Variants in TOP1 observed in about 807,000 individuals in gnomAD.
TOP1 encodes DNA topoisomerase I, also known as DNA topoisomerase 1.
In TOP1, 10 loss-of-function variants were observed where a neutral mutation model predicts 111.1. The ratio of observed to expected loss-of-function variants is 0.09; its 90% confidence interval spans 0.06 to 0.15. TOP1 has a LOEUF of 0.15. Ranked by LOEUF, TOP1 falls within the 10% of genes least tolerant of loss-of-function variation. The pLI, the probability that TOP1 is intolerant of heterozygous loss-of-function variation, is 1.00. For synonymous variants in TOP1, 271 were observed against 302.9 expected (o/e 0.89, Z 1.10); for missense variants, 474 against 926.7 (o/e 0.51, Z 6.34).
chr20:41,040,675 G>T (rs1023745614), intron 2 of TOP1, among the ~76,000 whole-genome samples: 2 of 151,930 alleles, frequency 1.3e-5, no homozygotes, highest in African/African-American at 2.4e-5. Flanking sequence ...GCCTGGTGGC[G>T]CATGCCTGTA....
intron 3 of TOP1, among the ~76,000 whole-genome samples, chr20:41,074,137 C>T (rs1396991238): frequency 1.3e-5 from 2 of 151,500 alleles, no homozygotes; most frequent in African/African-American, 2.4e-5. Flanking sequence ...TAAAGCTTGG[C>T]GAAGTTAATG....
chr20:41,081,353 T>A, intron 7 of TOP1, 113 bp downstream of exon 7: 1 of 1,258,684 alleles, frequency 7.9e-7, no homozygotes, highest in African/African-American at 1.5e-5. Context: ...GTTATAACAT[T>A]AGGGAAAACA....
In TOP1 at chr20:41,061,264, G is replaced by A; in HGVS notation, c.59-130G>A. 1.4e-6 allele frequency: 1 copy of A among 734,368 alleles called. No homozygotes were observed. Among genetic ancestry groups the A allele is most frequent in the Admixed American group, 2.6e-5 (1 of 38,416 alleles). 45.5% of individuals were successfully genotyped at this position (734,368 alleles called of 1,614,324 possible). The stretch of plus-strand genomic sequence containing the variant: ...TTCTTTGTGAAAGCTTTTTTTTTCA[G>A]TGGCATGTGCTATTATGCCTACCAT... On this transcript the variant is annotated intron_variant, in intron 2 of 20. Coordinates refer to ENST00000361337, the MANE Select transcript of TOP1 (RefSeq NM_003286.4). The surrounding 1 kb of genome is among the most constrained non-coding windows in gnomAD (Gnocchi z 4.6).
chr20:41,107,549 C>T (rs1257294518), intron 13 of TOP1, among the ~76,000 whole-genome samples: 15 of 152,068 alleles, frequency 9.9e-5, no homozygotes, highest in African/African-American at 3.6e-4. Flanking sequence ...TTCAAAATTT[C>T]TAATTTTATA....
chr20:41,096,254 G>C (rs1005862634), intron 9 of TOP1, among the ~76,000 whole-genome samples: 7 of 152,190 alleles, frequency 4.6e-5, no homozygotes, highest in Non-Finnish European at 7.3e-5. Flanking sequence ...TTTTAGTAGA[G>C]ATGGGTTTTC....
Position 41,096,092 on chromosome 20 carries a change from A to G in TOP1, c.731-1128A>G, listed in dbSNP as rs977723670. Among the ~76,000 whole-genome samples the G allele has an allele frequency of 2.0e-5, 3 of 152,208 alleles. No homozygotes were observed. The East Asian group carries it at 5.8e-4, about 29-fold the overall frequency. On this transcript the variant is annotated intron_variant, in intron 9 of 20. Coordinates refer to ENST00000361337, the MANE Select transcript of TOP1 (RefSeq NM_003286.4). ...AGACAGCTTTTTGTTTATTTGAGAC[A>G]GTCTCAGTCTGTTGCCCAGGCTGAA...
intron 3 of TOP1, chr20:41,073,374 GAAA>G (rs397692656): frequency 1.9e-5 from 14 of 748,252 alleles, no homozygotes; most frequent in Middle Eastern, 6.8e-4. Flanking sequence ...GGAAGACAAT[GAAA>G]AAAAAAAAAA....
Position 41,101,488 on chromosome 20 carries a change from A to G in TOP1, c.1308+135A>G. On this transcript the variant is annotated intron_variant, in intron 13 of 20. Coordinates refer to ENST00000361337, the MANE Select transcript of TOP1 (RefSeq NM_003286.4). This position sits in a 1 kb window ranked among gnomAD's most constrained non-coding sequence, Gnocchi z 4.1. ...CCATTGAAAGAAGGCAAGTACTTTC[A>G]TAGTTAGCATTATGGTGATCTTCCT... 1.1e-6 allele frequency: 1 copy of G among 952,236 alleles called. No individual in the cohort carries two copies. Among genetic ancestry groups the G allele is most frequent in the South Asian group, 1.9e-5 (1 of 53,802 alleles). 59.0% of individuals were successfully genotyped at this position (952,236 alleles called of 1,614,324 possible).
At chr20:41,072,829 C>T (rs1300265448) in intron 3 of TOP1, 1 of 985,278 alleles carries the variant, frequency 1.0e-6, no homozygotes, top group East Asian at 1.1e-4. Flanking sequence ...TAGAAGCTGT[C>T]CTTAACCCTC....
intron 13 of TOP1, among the ~76,000 whole-genome samples, chr20:41,104,741 G>A (rs950530604): frequency 6.6e-6 from 1 of 152,160 alleles, no homozygotes; most frequent in African/African-American, 2.4e-5. Context: ...CTGGAAAAGT[G>A]GTGCCATTAG....
Position 41,084,568 on chromosome 20 carries a change from G to T in TOP1, c.614G>T (p.Trp205Leu). The part of the protein sequence containing the change: ...PKKEEEQKWK[W>L]WEEERYPEGI... ...AAAGAAGAGGAACAGAAGTGGAAAT[G>T]GTAACATCTCAGCACTGGGTTAAAA... is the stretch of plus-strand genomic sequence containing the variant. Residue 205 changes from tryptophan to leucine, a missense_variant and splice_region_variant, in exon 8 of 21, where the codon TGG becomes TTG. Physicochemically the swap from Trp to Leu is moderately conservative, Grantham distance 61. Around this residue, in one of 14 missense-constraint regions of TOP1, gnomAD observed 11 missense variants for 36.8 expected, o/e 0.30. Coordinates refer to ENST00000361337, the MANE Select transcript of TOP1 (RefSeq NM_003286.4). 1.3e-6 allele frequency: 2 copies of T among 1,551,172 alleles called. No individual in the cohort carries two copies. Among genetic ancestry groups the T allele is most frequent in the Non-Finnish European group, 8.7e-7 (1 of 1,144,374 alleles).
chr20:41,076,404 T>C, intron 4 of TOP1, 110 bp downstream of exon 4: 1 of 1,431,250 alleles, frequency 7.0e-7, no homozygotes, highest in East Asian at 2.4e-5. Flanking sequence ...AAGTGAAAGG[T>C]TTCTTGTCAG....
intron 8 of TOP1, among the ~76,000 whole-genome samples, chr20:41,091,814 T>A (rs1452361757): frequency 6.6e-6 from 1 of 152,160 alleles, no homozygotes; most frequent in African/African-American, 2.4e-5. Context: ...TCTGCCCGCC[T>A]CGGCCTCCCA....
Position 41,034,609 on chromosome 20 carries a change from G to A in TOP1, c.58+5154G>A, listed in dbSNP as rs1025905847. On this transcript the variant is annotated intron_variant, in intron 2 of 20. Coordinates refer to ENST00000361337, the MANE Select transcript of TOP1 (RefSeq NM_003286.4). The surrounding 1 kb of genome is among the most constrained non-coding windows in gnomAD (Gnocchi z 4.0). ...GTGGCGTTATGAGAAATGGCTGATAGTTTGCTGAAATGATTTAATAGTAAA... is the reference window on the plus strand; with the variant it reads ...GTGGCGTTATGAGAAATGGCTGATAATTTGCTGAAATGATTTAATAGTAAA... 6.6e-6 allele frequency among the ~76,000 whole-genome samples: 1 copy of A among 152,268 alleles called. No homozygotes were observed. Among genetic ancestry groups the A allele is most frequent in the East Asian group, 1.9e-4 (1 of 5,184 alleles).
At position 41,123,783 on chromosome 20, in the gene TOP1, G is replaced by A. The variant is rs2034454997; in HGVS notation, c.*486G>A. 5 of 232,378 alleles carry A rather than the reference G, an allele frequency of 2.2e-5. No homozygotes were observed. Among genetic ancestry groups the A allele is most frequent in the Non-Finnish European group, 4.3e-5 (5 of 117,484 alleles). 14.4% of individuals were successfully genotyped at this position (232,378 alleles called of 1,614,324 possible). On this transcript the variant is annotated 3_prime_UTR_variant, in exon 21 of 21. Transcript: ENST00000361337. The surrounding 1 kb of genome is among the most constrained non-coding windows in gnomAD (Gnocchi z 5.8). The stretch of plus-strand genomic sequence containing the variant: ...AATTAAGTAGAACAAAAAACCCAGC[G>A]CACCTGTTAGAGTCGTCACTCTCTA...
At position 41,112,590 on chromosome 20, in the gene TOP1, ATGG is replaced by A. The variant is rs1415117218; in HGVS notation, c.1309-188_1309-186del. The stretch of plus-strand genomic sequence containing the variant: ...TGTTCAAAGTCTTGCTTTGTCACCC[ATGG>A]TGGAGTGCAGTGGCGTGATCTTGGC... On this transcript the variant is annotated intron_variant, in intron 13 of 20. Coordinates refer to ENST00000361337, the MANE Select transcript of TOP1 (RefSeq NM_003286.4). The surrounding 1 kb of genome is among the most constrained non-coding windows in gnomAD (Gnocchi z 5.8). 1.4e-4 allele frequency among the ~76,000 whole-genome samples: 22 copies of A among 152,204 alleles called. No homozygotes were observed. The highest frequency in any genetic ancestry group is 4.8e-4 in the African/African-American group (20 of 41,452).
In TOP1 at chr20:41,097,577, T is replaced by G. The variant is rs1407963058; in HGVS notation, c.852+236T>G. 1.3e-5 allele frequency among the ~76,000 whole-genome samples: 2 copies of G among 152,070 alleles called. No individual in the cohort carries two copies. The highest frequency in any genetic ancestry group is 2.9e-5 in the Non-Finnish European group (2 of 68,018). On this transcript the variant is annotated intron_variant, in intron 10 of 20. Coordinates refer to ENST00000361337, the MANE Select transcript of TOP1 (RefSeq NM_003286.4). The surrounding 1 kb of genome is among the most constrained non-coding windows in gnomAD (Gnocchi z 4.2). ...TCATGTGATGGCAGGTAGGTGGGGG[T>G]TATCAGATTAGGCCAAACAGAAAAC...
intron 2 of TOP1, among the ~76,000 whole-genome samples, chr20:41,044,049 GGC>G (rs1283943325): frequency 1.3e-5 from 2 of 152,208 alleles, no homozygotes; most frequent in Non-Finnish European, 2.9e-5. Context: ...GGCCGAGGCA[GGC>G]GGATCACCTG....
chr20:41,052,157 A>G (rs887702830), intron 2 of TOP1, among the ~76,000 whole-genome samples: 1 of 152,178 alleles, frequency 6.6e-6, no homozygotes, highest in Non-Finnish European at 1.5e-5. Flanking sequence ...TCTAGTAGTT[A>G]AGTGACTTTT....
Sources: allele counts gnomAD v4.1 joint callset (sites outside exome capture counted in the v4.1 genomes callset), GRCh38; gene constraint gnomAD v4.1.1; regional missense constraint gnomAD v4.1.1; non-coding constraint Gnocchi (gnomAD v3.1); transcripts MANE v1.5; gene names NCBI Gene and HGNC (gene_info 2026-07-23, HGNC 2026-07-21).